The following PTPN3 variants were observed in gnomAD, a reference collection of about 807,000 sequenced individuals.
PTPN3 encodes protein tyrosine phosphatase non-receptor type 3, also known as tyrosine-protein phosphatase non-receptor type 3.
In PTPN3, 96 loss-of-function variants were observed where a neutral mutation model predicts 132.7. The ratio of observed to expected loss-of-function variants is 0.72; its 90% confidence interval spans 0.61 to 0.86. The LOEUF (loss-of-function observed/expected upper bound fraction) is 0.86. PTPN3 is among the 40% of genes least tolerant of loss of function. The pLI is 0.00. For synonymous variants in PTPN3, 398 were observed against 429.0 expected (o/e 0.93, Z 0.89); for missense variants, 1,125 against 1,159.6 (o/e 0.97, Z 0.43).
intron 1 of PTPN3, among the ~76,000 whole-genome samples, chr9:109,497,631 T>TC (rs1344965894): frequency 2.0e-5 from 3 of 151,864 alleles, no homozygotes; most frequent in Non-Finnish European, 4.4e-5. Flanking sequence ...TCACATACAC[T>TC]CCCCCATCTG....
chr9:109,531,871 C>T, the PTPN3 span, among the ~76,000 whole-genome samples: 1,143 of 152,146 alleles, frequency 7.5e-3, 10 homozygotes, highest in African/African-American at 0.026. Flanking sequence ...AAAAAAAATC[C>T]CTTGCATTCT....
At chr9:109,495,848 C>T (rs574296409) in intron 1 of PTPN3, among the ~76,000 whole-genome samples, 1 of 152,330 alleles carries the variant, frequency 6.6e-6, no homozygotes, top group South Asian at 2.1e-4. Context: ...CCTGAATCTG[C>T]TTCCATGGTA....
intron 1 of PTPN3, among the ~76,000 whole-genome samples, chr9:109,463,834 T>C (rs560790453): frequency 2.0e-5 from 3 of 152,322 alleles, no homozygotes; most frequent in African/African-American, 7.2e-5. Flanking sequence ...AAAAGACTCA[T>C]TGATAAACTG....
chr9:109,518,194 A>T, the PTPN3 span, among the ~76,000 whole-genome samples: 1 of 152,236 alleles, frequency 6.6e-6, no homozygotes, highest in Non-Finnish European at 1.5e-5. Flanking sequence ...GAAAACAAAA[A>T]CATTGACTGG....
intron 1 of PTPN3, among the ~76,000 whole-genome samples, chr9:109,492,840 T>C (rs1847522232): frequency 6.6e-6 from 1 of 152,226 alleles, no homozygotes; most frequent in Admixed American, 6.5e-5. Flanking sequence ...TCTGCTACCA[T>C]CATGCAACAA....
chr9:109,409,991 C>T lies in PTPN3; in HGVS notation c.1578+8G>A. On this transcript the variant is annotated splice_region_variant and intron_variant, in intron 16 of 25. Transcript: ENST00000374541. ...GCACAAAACTTCCTTTATAAATACA[C>T]AACATACCTTAAGATTAAATCCAAA... 6.2e-7 allele frequency: 1 copy of T among 1,613,874 alleles called. No homozygotes were observed. The highest frequency in any genetic ancestry group is 8.5e-7 in the Non-Finnish European group (1 of 1,179,874).
In PTPN3 at chr9:109,463,307, A is replaced by G; in HGVS notation, c.128T>C (p.Phe43Ser). The change falls in exon 2 of 26, where the codon TTT (phenylalanine) becomes TCT (serine). Residue 43 changes from phenylalanine to serine, a missense_variant. Physicochemically the swap from Phe to Ser is radical, Grantham distance 155 (BLOSUM62 -2). Coordinates refer to ENST00000374541, the MANE Select transcript of PTPN3 (RefSeq NM_002829.4). ...IHFLDGVVQT[F>S]KVTKQDTGQV... ...AAGTAGAGAACTTACAGTAACTTTAAAGGTCTGTACCACGCCATCTAAAAA... is the reference window on the plus strand; with the variant it reads ...AAGTAGAGAACTTACAGTAACTTTAGAGGTCTGTACCACGCCATCTAAAAA... 2 of 1,590,334 alleles carry G rather than the reference A, an allele frequency of 1.3e-6. No individual in the cohort carries two copies. Among genetic ancestry groups the G allele is most frequent in the Non-Finnish European group, 1.7e-6 (2 of 1,172,302 alleles).
intron 1 of PTPN3, among the ~76,000 whole-genome samples, chr9:109,490,075 T>C (rs1239364590): frequency 1.3e-5 from 2 of 151,576 alleles, no homozygotes; most frequent in East Asian, 3.9e-4. Context: ...CTCAGTTACT[T>C]GGGAGGTTGA....
At chr9:109,411,998 C>G (rs1842108565) in intron 14 of PTPN3, among the ~76,000 whole-genome samples, 2 of 152,192 alleles carry the variant, frequency 1.3e-5, no homozygotes, top group Non-Finnish European at 2.9e-5. Flanking sequence ...ATGACTTTCA[C>G]TTACGTAAAA....
intron 14 of PTPN3, among the ~76,000 whole-genome samples, chr9:109,415,023 TGTCCGTCTGTCCGTCCGTCC>T (rs1359444680): frequency 1.2e-5 from 1 of 85,600 alleles, no homozygotes; most frequent in Non-Finnish European, 2.6e-5. Context: ...TCTAACCATT[TGTCCGTCTGTCCGTCCGTCC>T]GTCCGTCCAT....
chr9:109,438,371 T>C lies in PTPN3; in HGVS notation c.467-137A>G, dbSNP rs942203431. 9 of 923,894 alleles carry C rather than the reference T, an allele frequency of 9.7e-6. No individual in the cohort carries two copies. The African/African-American group carries it at 1.5e-4, about 16-fold the overall frequency. The allele number at this position is 923,894 out of a possible 1,614,324, so 57.2% of individuals were successfully genotyped here. On this transcript the variant is annotated intron_variant, in intron 7 of 25. Coordinates refer to ENST00000374541, the MANE Select transcript of PTPN3 (RefSeq NM_002829.4). ...CTGGTAAGTTCTACACCACATGAAC[T>C]GAAGCTTCTCACTAGCTCCAGATTC...
intron 22 of PTPN3, among the ~76,000 whole-genome samples, chr9:109,387,117 T>G (rs116190013): frequency 2.0e-5 from 3 of 152,162 alleles, no homozygotes; most frequent in Admixed American, 2.0e-4. Context: ...GTGTACCACC[T>G]GGGTGCAGGT....
intron 19 of PTPN3, among the ~76,000 whole-genome samples, chr9:109,393,382 G>GTTTTTTTT (rs1840293817): frequency 7.6e-6 from 1 of 132,062 alleles, no homozygotes; most frequent in Non-Finnish European, 1.6e-5. Context: ...GGTTTTTTTT[G>GTTTTTTTT]TCTTTTTTTT....
intron 5 of PTPN3, 164 bp from the exon 6 acceptor site, chr9:109,449,019 C>T (rs1845056209): frequency 7.0e-7 from 1 of 1,427,842 alleles, no homozygotes. Context: ...CTCTGCAAAG[C>T]TGCCCTGTCA....
intron 1 of PTPN3, among the ~76,000 whole-genome samples, chr9:109,497,411 A>G (rs1306577148): frequency 1.3e-5 from 2 of 152,160 alleles, no homozygotes; most frequent in East Asian, 3.9e-4. Context: ...AGGACCAGAG[A>G]GGTTAAACAA....
chr9:109,532,125 C>G, the PTPN3 span, among the ~76,000 whole-genome samples: 1 of 152,140 alleles, frequency 6.6e-6, no homozygotes, highest in African/African-American at 2.4e-5. Context: ...ACCAAATGTT[C>G]CGATCTTAGC....
the PTPN3 span, among the ~76,000 whole-genome samples, chr9:109,508,036 C>T: frequency 7.9e-4 from 120 of 152,188 alleles, no homozygotes; most frequent in African/African-American, 2.7e-3. Context: ...ACAACACATT[C>T]GACTGTCTCT....
chr9:109,475,649 G>A (rs1846621043), intron 1 of PTPN3, among the ~76,000 whole-genome samples: 1 of 152,140 alleles, frequency 6.6e-6, no homozygotes, highest in Non-Finnish European at 1.5e-5. Context: ...TTGCTCTCAG[G>A]CACAGACACG....
chr9:109,530,934 G>A, the PTPN3 span, among the ~76,000 whole-genome samples: 1 of 152,218 alleles, frequency 6.6e-6, no homozygotes, highest in East Asian at 1.9e-4. Flanking sequence ...TTGTTGTTGA[G>A]TTTTATGGGT....
Sources: gnomAD v4.1 joint callset for allele counts (sites outside exome capture counted in the v4.1 genomes callset) on GRCh38, gnomAD v4.1.1 for gene constraint, MANE v1.5 for transcripts, NCBI Gene and HGNC (gene_info 2026-07-23, HGNC 2026-07-21) for gene names.